The following DAB1 variants were observed in gnomAD, a reference collection of about 807,000 sequenced individuals.
The protein encoded by DAB1 is DAB adaptor protein 1, also known as disabled homolog 1.
Under a neutral mutation model 64.6 loss-of-function variants are expected in DAB1, and 15 were observed. The ratio of observed to expected loss-of-function variants is 0.23; its 90% CI spans 0.16 to 0.36. The LOEUF is 0.36. Among genes scored for constraint, DAB1 ranks in the 10% least tolerant of loss-of-function variants. The pLI is 1.00. For synonymous variants in DAB1, 235 were observed against 251.9 expected, an observed-to-expected ratio of 0.93 and a Z score of 0.64; for missense variants, 596 against 706.7, an observed-to-expected ratio of 0.84 and a Z score of 1.78.
At chr1:58,148,819 C>T (rs550302601) in intron 5 of DAB1, among the ~76,000 whole-genome samples, 1 of 152,200 alleles carries the variant, frequency 6.6e-6, no homozygotes, top group Admixed American at 6.5e-5. Context: ...CACCAGGTCC[C>T]TCCAACGACA....
rs747021990 is a variant in DAB1, at chr1:57,226,672, A to AAAAAATATATATAT, written c.67+64291_67+64292insATATATATATTTTT. Among the ~76,000 whole-genome samples the AAAAAATATATATAT allele has an allele frequency of 4.0e-4, 55 of 135,990 alleles. 1 individual carries two copies. Among genetic ancestry groups the AAAAAATATATATAT allele is most frequent in the African/African-American group, 1.7e-3 (55 of 32,396 alleles). 89.2% of individuals were successfully genotyped at this position (135,990 alleles called of 152,430 possible). On this transcript the variant is annotated intron_variant, in intron 2 of 14. Coordinates refer to ENST00000371236, the MANE Select transcript of DAB1 (RefSeq NM_001365792.1). ...GTCACTCAAAAGTGGTTAAAAAAAA[A>AAAAAATATATATAT]ATATATATATATATATATATATATA...
chr1:58,151,284 G>A (rs958346166), intron 4 of DAB1, among the ~76,000 whole-genome samples: 1 of 152,182 alleles, frequency 6.6e-6, no homozygotes, highest in East Asian at 1.9e-4. Context: ...TTCCATAATG[G>A]TTGAACTAGT....
chr1:58,385,561 G>A (rs1485660108), intron 3 of DAB1, among the ~76,000 whole-genome samples: 1 of 152,156 alleles, frequency 6.6e-6, no homozygotes, highest in Non-Finnish European at 1.5e-5. Flanking sequence ...TCAGCTACAG[G>A]AGAATTTTAC....
chr1:58,209,134 G>C (rs986533426), intron 4 of DAB1, among the ~76,000 whole-genome samples: 1 of 152,142 alleles, frequency 6.6e-6, no homozygotes, highest in African/African-American at 2.4e-5. Context: ...AAATAATGTG[G>C]GGATCTAAAG....
At chr1:58,414,320 A>G (rs936784903) in intron 3 of DAB1, among the ~76,000 whole-genome samples, 5 of 152,182 alleles carry the variant, frequency 3.3e-5, no homozygotes, top group Non-Finnish European at 7.3e-5. Context: ...ATCATCCTCT[A>G]AAAGACTTTT....
chr1:57,458,720 C>A (rs776432086), intron 7 of DAB1, among the ~76,000 whole-genome samples: 1 of 151,922 alleles, frequency 6.6e-6, no homozygotes, highest in African/African-American at 2.4e-5. Context: ...AATTAAGTGA[C>A]GTATTAAATT....
intron 8 of DAB1, among the ~76,000 whole-genome samples, chr1:57,063,219 T>C (rs913882281): frequency 2.0e-5 from 3 of 151,846 alleles, no homozygotes; most frequent in Non-Finnish European, 4.4e-5. Context: ...GAAACTTACA[T>C]AGACTTCAGA....
chr1:58,522,050 T>C (rs933812861), intron 2 of DAB1, among the ~76,000 whole-genome samples: 5 of 152,170 alleles, frequency 3.3e-5, no homozygotes, highest in Non-Finnish European at 7.3e-5. Context: ...TAAGGGATAA[T>C]TGACAAAATT....
At chr1:57,182,851 C>G (rs1234156214) in intron 2 of DAB1, among the ~76,000 whole-genome samples, 2 of 152,074 alleles carry the variant, frequency 1.3e-5, no homozygotes, top group Non-Finnish European at 2.9e-5. Context: ...GAGTCCAGGG[C>G]TGTGCTGTCT....
At chr1:57,406,257 A>G (rs1683632266) in intron 1 of DAB1, among the ~76,000 whole-genome samples, 1 of 152,160 alleles carries the variant, frequency 6.6e-6, no homozygotes, top group Non-Finnish European at 1.5e-5. Context: ...CTCACCAGAA[A>G]ATCCCAAGGC....
At chr1:58,066,161 C>CAGT (rs781414132) in intron 5 of DAB1, among the ~76,000 whole-genome samples, 1 of 152,194 alleles carries the variant, frequency 6.6e-6, no homozygotes, top group Non-Finnish European at 1.5e-5. Flanking sequence ...AAGCAGCCTA[C>CAGT]ACAGGGGGAC....
At chr1:58,199,998 GC>G (rs1657910458) in intron 4 of DAB1, among the ~76,000 whole-genome samples, 1 of 152,134 alleles carries the variant, frequency 6.6e-6, no homozygotes. Context: ...TTCATGCCAG[GC>G]CTGGAATTTG....
At chr1:57,600,306 G>A (rs544041827) in intron 7 of DAB1, among the ~76,000 whole-genome samples, 15 of 152,226 alleles carry the variant, frequency 9.9e-5, no homozygotes, top group South Asian at 8.3e-4. Flanking sequence ...AAATGGAATC[G>A]ATCAGAATAA....
chr1:57,671,882 T>C (rs943127887), intron 6 of DAB1, among the ~76,000 whole-genome samples: 1 of 152,140 alleles, frequency 6.6e-6, no homozygotes, highest in Non-Finnish European at 1.5e-5. Context: ...GGACTAGATA[T>C]GATTTACATA....
chr1:57,553,724 C>A (rs1052157414), intron 7 of DAB1, among the ~76,000 whole-genome samples: 1 of 151,866 alleles, frequency 6.6e-6, no homozygotes, highest in African/African-American at 2.4e-5. Context: ...GAGCGATGAG[C>A]CTAGAGAGTT....
chr1:57,919,787 G>A (rs1228592630), intron 5 of DAB1, among the ~76,000 whole-genome samples: 1 of 152,158 alleles, frequency 6.6e-6, no homozygotes, highest in Non-Finnish European at 1.5e-5. Context: ...ATGAGGGGGA[G>A]CCTTATTCAA....
chr1:57,483,870 A>G (rs1271678484), intron 7 of DAB1, among the ~76,000 whole-genome samples: 1 of 152,202 alleles, frequency 6.6e-6, no homozygotes, highest in Non-Finnish European at 1.5e-5. Context: ...GGGATTGAAC[A>G]GCAAAGACAG....
intron 4 of DAB1, among the ~76,000 whole-genome samples, chr1:58,308,141 G>A (rs891710494): frequency 6.6e-6 from 1 of 152,150 alleles, no homozygotes; most frequent in Non-Finnish European, 1.5e-5. Context: ...GCTCCAGGGT[G>A]AGATTCAGGG....
chr1:57,863,738 A>T lies in DAB1; in HGVS notation n.87+20261T>A, dbSNP rs559256634. Among the ~76,000 whole-genome samples, 2 of 152,220 alleles carry T rather than the reference A, an allele frequency of 1.3e-5. 1 individual carries two copies. Among genetic ancestry groups the T allele is most frequent in the South Asian group, 4.1e-4 (2 of 4,824 alleles). ...GAGGTGGAGTGGGTAGCATTTAAAG[A>T]GGAGAAAAAGAATAAAATTTGCACA... On this transcript the variant is annotated intron_variant and non_coding_transcript_variant, in intron 1 of 1. Transcript: ENST00000477280.
Sources: allele counts gnomAD v4.1 joint callset (sites outside exome capture counted in the v4.1 genomes callset), GRCh38; gene constraint gnomAD v4.1.1; transcripts MANE v1.5; gene names NCBI Gene and HGNC (gene_info 2026-07-23, HGNC 2026-07-21).